The following CEP192 variants were observed in gnomAD, a reference collection of about 807,000 sequenced individuals.
CEP192 encodes centrosomal protein of 192 kDa.
In CEP192, 151 loss-of-function variants were observed where a neutral mutation model predicts 271.8. The observed-to-expected ratio is 0.56, with a 90% CI of 0.49 to 0.64. The LOEUF (loss-of-function observed/expected upper bound fraction) is 0.64, where lower values mean the gene tolerates loss of function less well. CEP192 is among the 30% of genes least tolerant of loss of function. The pLI is 0.00. For missense variants in CEP192, 2,910 were observed against 3,020.5 expected (o/e 0.96, Z 0.86); for synonymous variants, 995 against 1,076.5 (o/e 0.92, Z 1.48).
At chr18:13,010,817 G>T (rs2145891410) in intron 4 of CEP192, among the ~76,000 whole-genome samples, 1 of 152,032 alleles carries the variant, frequency 6.6e-6, no homozygotes, top group East Asian at 1.9e-4. Context: ...TTGCACTCCA[G>T]CCTGGGTAAT....
Position 13,073,080 on chromosome 18 carries a change from C to A in CEP192, c.5511C>A (p.Asp1837Glu). The part of the protein sequence containing the change: ...NCEIRIHPKE[D>E]IFISVLFAPT... ...AGATCAGAATTCACCCAAAGGAAGACATTTTCATCTCTGTATTATTTGCAC... is the reference window on the plus strand; with the variant it reads ...AGATCAGAATTCACCCAAAGGAAGAAATTTTCATCTCTGTATTATTTGCAC... The change falls in exon 30 of 45, where the codon GAC becomes GAA. Residue 1837 changes from aspartate (D) to glutamate (E), a missense_variant. Transcript: ENST00000506447. The A allele has an allele frequency of 6.2e-7, 1 of 1,613,708 alleles. No homozygotes were observed.
chr18:13,089,433 TAAAA>T lies in CEP192; in HGVS notation c.5994-17_5994-14del. ...TATATATAACGTCACTTTTAAATAA[TAAAA>T]AAAAATCTCTCCTGGCAGGGCCCTG... On this transcript the variant is annotated intron_variant, in intron 32 of 44. Transcript: ENST00000506447. The T allele has an allele frequency of 8.3e-7, 1 of 1,210,354 alleles. No individual in the cohort carries two copies. Among genetic ancestry groups the T allele is most frequent in the Non-Finnish European group, 1.2e-6 (1 of 853,936 alleles). The allele number at this position is 1,210,354 out of a possible 1,614,324, so 75.0% of individuals were successfully genotyped here.
At chr18:13,087,506 C>A in intron 31 of CEP192, 25 bp from the exon 32 acceptor site, 1 of 1,168,400 alleles carries the variant, frequency 8.6e-7, no homozygotes, top group Non-Finnish European at 1.2e-6. Context: ...AATATTTACT[C>A]CTGATTTTTT....
chr18:13,004,276 G>T (rs2033842515), intron 3 of CEP192, among the ~76,000 whole-genome samples: 1 of 151,034 alleles, frequency 6.6e-6, no homozygotes, highest in Non-Finnish European at 1.5e-5. Context: ...CTGGATGGTT[G>T]TAGTGGGTGA....
intron 11 of CEP192, among the ~76,000 whole-genome samples, chr18:13,034,505 T>G (rs1004596413): frequency 6.6e-6 from 1 of 151,986 alleles, no homozygotes; most frequent in African/African-American, 2.4e-5. Context: ...TTCAGAACAG[T>G]TCCTTAAGAG....
rs1044400007 is a variant in CEP192, at chr18:13,068,538, T to G, written c.4822+116T>G. The G allele has an allele frequency of 3.1e-6, 3 of 961,932 alleles. No homozygotes were observed. The East Asian group carries it at 7.5e-5, about 24-fold the overall frequency. 59.6% of individuals were successfully genotyped at this position (961,932 alleles called of 1,614,324 possible). On this transcript the variant is annotated intron_variant, in intron 24 of 44. Coordinates refer to ENST00000506447, the MANE Select transcript of CEP192 (RefSeq NM_032142.4). Reference sequence around the variant, plus strand: ...GTACTTCGAAATCTGTCAACTATTTTATGTTTTTTTGAAATTGAGGCAGAT... The same window carrying G: ...GTACTTCGAAATCTGTCAACTATTTGATGTTTTTTTGAAATTGAGGCAGAT...
chr18:13,032,705 C>T (rs1317157403), intron 11 of CEP192, among the ~76,000 whole-genome samples: 1 of 152,178 alleles, frequency 6.6e-6, no homozygotes, highest in Non-Finnish European at 1.5e-5. Flanking sequence ...ATGTTTATAG[C>T]AGCACTAGTT....
rs2035521448 is a variant in CEP192, at chr18:13,029,958, G to A, written c.1346G>A (p.Arg449Lys). The A allele has an allele frequency of 3.2e-6, 5 of 1,551,466 alleles. No individual in the cohort carries two copies. The East Asian group carries it at 1.2e-4, about 38-fold the overall frequency. ...GCCATTTGGTCACCAACTTGTGAAAGGCGAACATGTGAATGTCACGAGTCC... is the reference window on the plus strand; with the variant it reads ...GCCATTTGGTCACCAACTTGTGAAAAGCGAACATGTGAATGTCACGAGTCC... The part of the protein sequence containing the change: ...TDAIWSPTCE[R>K]RTCECHESIE... The change falls in exon 10 of 45, where the codon AGG (arginine) becomes AAG (lysine). Residue 449 changes from arginine (R) to lysine (K), a missense_variant. Coordinates refer to ENST00000506447, the MANE Select transcript of CEP192 (RefSeq NM_032142.4).
At chr18:13,004,893 A>C (rs550653600) in intron 3 of CEP192, among the ~76,000 whole-genome samples, 148 of 152,232 alleles carry the variant, frequency 9.7e-4, no homozygotes, top group African/African-American at 3.3e-3. Flanking sequence ...AAGGTTGCTG[A>C]GGATGTAAGA....
chr18:13,073,639 A>G (rs1030751957), intron 30 of CEP192, among the ~76,000 whole-genome samples: 2 of 152,244 alleles, frequency 1.3e-5, no homozygotes, highest in Non-Finnish European at 2.9e-5. Flanking sequence ...GAGGTTGGGA[A>G]GCCCAAGATT....
At chr18:13,089,840 T>G (rs1210773485) in intron 33 of CEP192, among the ~76,000 whole-genome samples, 1 of 152,236 alleles carries the variant, frequency 6.6e-6, no homozygotes, top group Non-Finnish European at 1.5e-5. Context: ...TTTGCTGCTG[T>G]ATAAATGTTA....
intron 13 of CEP192, among the ~76,000 whole-genome samples, chr18:13,038,914 CTGT>C (rs1176376078): frequency 6.6e-6 from 1 of 152,100 alleles, no homozygotes; most frequent in East Asian, 1.9e-4. Context: ...TTGTTCATTG[CTGT>C]TGTTATTGTT....
At chr18:13,048,723 T>G (rs1598444996) in intron 15 of CEP192, 136 bp from the exon 16 acceptor site, 1 of 618,848 alleles carries the variant, frequency 1.6e-6, no homozygotes. Flanking sequence ...TTTATGGCAG[T>G]CGGATTTGGT....
In CEP192 at chr18:13,055,774, A is replaced by G; in HGVS notation, c.3190-6A>G. 2 of 1,532,156 alleles carry G rather than the reference A, an allele frequency of 1.3e-6. No individual in the cohort carries two copies. The highest frequency in any genetic ancestry group is 1.8e-6 in the Non-Finnish European group (2 of 1,142,764). The allele number at this position is 1,532,156 out of a possible 1,614,324, so 94.9% of individuals were successfully genotyped here. A position where few individuals can be genotyped will look rare whatever the true frequency, so the allele number is the denominator to read the frequency against. On this transcript the variant is annotated splice_polypyrimidine_tract_variant and splice_region_variant and intron_variant, in intron 18 of 44. Transcript: ENST00000506447. ...GATTATTAAAAACAAATTTTGTTGC[A>G]CTCAGAGTGATATCACCAGCGAGTT...
chr18:13,012,941 G>T (rs1444972711), intron 4 of CEP192, 32 bp from the exon 5 acceptor site: 2 of 1,264,376 alleles, frequency 1.6e-6, no homozygotes, highest in Non-Finnish European at 2.2e-6. Context: ...AAATAACCTG[G>T]TCTCTCAGTT....
chr18:13,070,173 T>G (rs1359684068), intron 27 of CEP192, among the ~76,000 whole-genome samples: 1 of 151,984 alleles, frequency 6.6e-6, no homozygotes, highest in East Asian at 1.9e-4. Context: ...AAAAAAGTTT[T>G]AATGACAAAG....
chr18:13,077,671 CT>C (rs1359146503), intron 30 of CEP192, among the ~76,000 whole-genome samples: 1 of 152,142 alleles, frequency 6.6e-6, no homozygotes, highest in African/African-American at 2.4e-5. Context: ...TGTGTCTGTC[CT>C]TGAAAAGTTG....
At position 13,097,403 on chromosome 18, in the gene CEP192, C is replaced by T. The variant is rs375168244; in HGVS notation, c.6557+1096C>T. On this transcript the variant is annotated intron_variant, in intron 36 of 44. Coordinates refer to ENST00000506447, the MANE Select transcript of CEP192 (RefSeq NM_032142.4). Reference sequence around the variant, plus strand: ...ATTGAGCCCAGAAAATATAAGCAGCCGGGTCATACGGAAACACGTTTTTTT... The same window carrying T: ...ATTGAGCCCAGAAAATATAAGCAGCTGGGTCATACGGAAACACGTTTTTTT... Among the ~76,000 whole-genome samples, 12 of 152,258 alleles carry T rather than the reference C, an allele frequency of 7.9e-5. 1 individual carries two copies. The highest frequency in any genetic ancestry group is 1.2e-4 in the African/African-American group (5 of 41,542).
rs546226079 is a variant in CEP192, at chr18:13,023,716, G to A, written c.1050+4510G>A. 1.3e-4 allele frequency among the ~76,000 whole-genome samples: 19 copies of A among 151,858 alleles called. No individual in the cohort carries two copies. In the South Asian group the frequency reaches 1.7e-3, roughly 13 times the overall value. ...ATTTTTTTGTGATGTCTTTAGTTTG[G>A]GTATTAGGTTGATGCTGACTTCATA... On this transcript the variant is annotated intron_variant, in intron 9 of 44. Transcript: ENST00000506447.
Sources: allele counts gnomAD v4.1 joint callset (sites outside exome capture counted in the v4.1 genomes callset), GRCh38; gene constraint gnomAD v4.1.1; transcripts MANE v1.5; gene names NCBI Gene and HGNC (gene_info 2026-07-23, HGNC 2026-07-21).